R3HCC1L: variants seen among roughly 807,000 people sequenced by gnomAD.
The protein encoded by R3HCC1L is coiled-coil domain-containing protein R3HCC1L.
In R3HCC1L, 51 loss-of-function variants were observed where a neutral mutation model predicts 59.9. The ratio of observed to expected loss-of-function variants is 0.85; its 90% CI spans 0.68 to 1.07. The LOEUF (loss-of-function observed/expected upper bound fraction) is 1.07. R3HCC1L is among the 50% of genes least tolerant of loss of function. The probability of loss-of-function intolerance (pLI) is 0.00; values close to 1 mark genes in which losing one functional copy is unlikely to be tolerated. For missense variants in R3HCC1L, 965 were observed against 933.0 expected (o/e 1.03, Z -0.45); for synonymous variants, 322 against 315.2 (o/e 1.02, Z -0.23).
At chr10:98,139,990 G>A (rs1844988287) in intron 1 of R3HCC1L, among the ~76,000 whole-genome samples, 2 of 151,442 alleles carry the variant, frequency 1.3e-5, no homozygotes, top group South Asian at 2.1e-4. Flanking sequence ...ATGAGGATAC[G>A]GATTTCTGGG....
chr10:98,151,530 A>G (rs775080564), intron 1 of R3HCC1L, among the ~76,000 whole-genome samples: 1 of 152,260 alleles, frequency 6.6e-6, no homozygotes, highest in Middle Eastern at 3.4e-3. Flanking sequence ...CTGTTTATCT[A>G]TTTTGTTTTA....
At chr10:98,227,894 C>T (rs1049111129) in intron 5 of R3HCC1L, among the ~76,000 whole-genome samples, 3 of 152,122 alleles carry the variant, frequency 2.0e-5, no homozygotes, top group Non-Finnish European at 2.9e-5. Context: ...AACCATGTCC[C>T]TACAAAGGAC....
At chr10:98,236,239 A>G in intron 9 of R3HCC1L, 75 bp downstream of exon 9, 1 of 1,537,396 alleles carries the variant, frequency 6.5e-7, no homozygotes, top group South Asian at 1.2e-5. Flanking sequence ...AAAAAAATGA[A>G]TGAAGCCCAT....
intron 4 of R3HCC1L, 148 bp from the exon 5 acceptor site, chr10:98,207,953 G>T: frequency 1.4e-6 from 1 of 704,078 alleles, no homozygotes; most frequent in South Asian, 2.3e-5. Context: ...GAGCCTGGAA[G>T]GGCAGAGGTT....
chr10:98,177,773 G>C (rs561952295), intron 4 of R3HCC1L, among the ~76,000 whole-genome samples: 2 of 152,234 alleles, frequency 1.3e-5, no homozygotes, highest in South Asian at 4.1e-4. Flanking sequence ...GCATTTTTCT[G>C]ATCACCAGTG....
intron 4 of R3HCC1L, among the ~76,000 whole-genome samples, chr10:98,202,399 G>T (rs1399401164): frequency 6.6e-6 from 1 of 152,134 alleles, no homozygotes; most frequent in Admixed American, 6.5e-5. Flanking sequence ...GATGATCAAA[G>T]TTAAGAGCAT....
rs372173002 is a variant in R3HCC1L at position 98,234,439 on chromosome 10, G to A, written c.1962-7G>A. 7.9e-5 allele frequency: 128 copies of A among 1,610,868 alleles called. No homozygotes were observed. Among genetic ancestry groups the A allele is most frequent in the Non-Finnish European group, 9.8e-5 (116 of 1,178,662 alleles). On this transcript the variant is annotated splice_polypyrimidine_tract_variant and splice_region_variant and intron_variant, in intron 6 of 9. Coordinates refer to ENST00000298999, the MANE Select transcript of R3HCC1L (RefSeq NM_001351015.2). ...TTAGGAAATAAAATTGTTTTTTTGT[G>A]TTGCAGAAAGAAAGGATTTGATATT...
chr10:98,205,216 T>C (rs1161790885), intron 4 of R3HCC1L, among the ~76,000 whole-genome samples: 1 of 152,252 alleles, frequency 6.6e-6, no homozygotes, highest in Non-Finnish European at 1.5e-5. Flanking sequence ...TTTCAAGCTA[T>C]TTATGTAAGT....
intron 4 of R3HCC1L, among the ~76,000 whole-genome samples, chr10:98,170,427 T>A (rs757072635): frequency 4.5e-4 from 68 of 152,120 alleles, no homozygotes; most frequent in Non-Finnish European, 6.5e-4. Context: ...GCAGTCTCCC[T>A]CCCTCTCAGC....
chr10:98,194,698 C>T (rs943922407), intron 4 of R3HCC1L, among the ~76,000 whole-genome samples: 3 of 152,072 alleles, frequency 2.0e-5, no homozygotes, highest in African/African-American at 7.2e-5. Flanking sequence ...CGTGCATGGC[C>T]AGCAGGCATG....
At chr10:98,164,067 C>T (rs1194517983) in intron 4 of R3HCC1L, among the ~76,000 whole-genome samples, 7 of 152,038 alleles carry the variant, frequency 4.6e-5, no homozygotes, top group East Asian at 3.9e-4. Context: ...TAGCCAGTGA[C>T]GATGGGCCAG....
intron 4 of R3HCC1L, among the ~76,000 whole-genome samples, chr10:98,207,701 A>C (rs973423150): frequency 1.3e-5 from 2 of 152,026 alleles, no homozygotes; most frequent in South Asian, 2.1e-4. Flanking sequence ...ACAACAACAA[A>C]AAAATTAAAG....
intron 1 of R3HCC1L, among the ~76,000 whole-genome samples, chr10:98,144,142 C>T (rs1230439252): frequency 6.6e-6 from 1 of 151,946 alleles, no homozygotes; most frequent in Non-Finnish European, 1.5e-5. Context: ...CCCATCTCTA[C>T]AAAAACAAAA....
At chr10:98,183,008 GC>G (rs1849807877) in intron 4 of R3HCC1L, among the ~76,000 whole-genome samples, 1 of 152,162 alleles carries the variant, frequency 6.6e-6, no homozygotes, top group African/African-American at 2.4e-5. Flanking sequence ...GTAAGGTGAT[GC>G]CCCACCCTGC....
At chr10:98,213,633 A>G (rs1420199529) in intron 5 of R3HCC1L, among the ~76,000 whole-genome samples, 2 of 152,128 alleles carry the variant, frequency 1.3e-5, no homozygotes, top group African/African-American at 4.8e-5. Flanking sequence ...CACTTTTACT[A>G]TGCTGTTCTG....
intron 5 of R3HCC1L, chr10:98,211,407 C>T: frequency 6.7e-7 from 1 of 1,481,928 alleles, no homozygotes; most frequent in Non-Finnish European, 9.0e-7. Context: ...ACTGTCAGCC[C>T]ATAATTAGAA....
chr10:98,174,804 T>G (rs1328715899), intron 4 of R3HCC1L: 2 of 962,062 alleles, frequency 2.1e-6, no homozygotes, highest in Admixed American at 6.2e-5. Flanking sequence ...CTGGTGAATC[T>G]AAGGTTTTGA....
intron 4 of R3HCC1L, among the ~76,000 whole-genome samples, chr10:98,205,792 T>C (rs1162609853): frequency 6.6e-6 from 1 of 152,178 alleles, no homozygotes; most frequent in East Asian, 1.9e-4. Context: ...AATTTTAAAG[T>C]AGATAATTTG....
intron 5 of R3HCC1L, among the ~76,000 whole-genome samples, chr10:98,216,429 G>A (rs1279472164): frequency 2.6e-5 from 4 of 152,134 alleles, no homozygotes; most frequent in Non-Finnish European, 5.9e-5. Flanking sequence ...TGGAAGGATC[G>A]CTTGAGCCCA....
Sources: gnomAD v4.1 joint callset for allele counts (sites outside exome capture counted in the v4.1 genomes callset) on GRCh38, gnomAD v4.1.1 for gene constraint, MANE v1.5 for transcripts, NCBI Gene and HGNC (gene_info 2026-07-23, HGNC 2026-07-21) for gene names.